The following CGN variants were observed in gnomAD, a reference collection of about 807,000 sequenced individuals.
CGN encodes cingulin.
A neutral mutation model predicts 157.1 loss-of-function variants in CGN; 121 were observed. The observed-to-expected ratio is 0.77, with a 90% CI of 0.66 to 0.90. The LOEUF (loss-of-function observed/expected upper bound fraction) is 0.90. Ranked by LOEUF, CGN falls within the 40% of genes least tolerant of loss-of-function variation. The probability of loss-of-function intolerance (pLI) is 0.00; values close to 1 mark genes in which losing one functional copy is unlikely to be tolerated. For synonymous variants in CGN, 535 were observed against 607.5 expected, an observed-to-expected ratio of 0.88 and a Z score of 1.76; for missense variants, 1,424 against 1,520.9, an observed-to-expected ratio of 0.94 and a Z score of 1.06.
intron 13 of CGN, 30 bp from the exon 14 acceptor site, chr1:151,532,372 G>A (rs1557992831): frequency 2.6e-6 from 4 of 1,518,916 alleles, no homozygotes; most frequent in Admixed American, 4.5e-5. Context: ...TTTATGTACA[G>A]TGCTGAAGAC....
chr1:151,528,538 T>C (rs896533915), intron 10 of CGN, among the ~76,000 whole-genome samples: 4 of 151,910 alleles, frequency 2.6e-5, no homozygotes, highest in Admixed American at 2.6e-4. Flanking sequence ...TGCCTCAGCT[T>C]CCCAAGCAGC....
intron 11 of CGN, 146 bp from the exon 12 acceptor site, chr1:151,529,763 G>T: frequency 1.2e-6 from 1 of 834,116 alleles, no homozygotes; most frequent in Middle Eastern, 3.6e-4. Context: ...AGAAGCGTCT[G>T]GCTGGTGGCA....
chr1:151,520,243 C>T lies in CGN; in HGVS notation c.951C>T (p.Thr317=). Residue 317 remains threonine, a synonymous_variant, in exon 3 of 21, where the codon ACC becomes ACT. Coordinates refer to ENST00000271636, the MANE Select transcript of CGN (RefSeq NM_020770.3). ...GCAGTGTGGACCATATGAAGGCCAC[C>T]ATCTATGGCATCCTGAGGGAGGGGT... The part of the protein sequence containing the change: ...PPGSVDHMKA[T]IYGILREGSS... The T allele has an allele frequency of 6.2e-7, 1 of 1,613,704 alleles. No homozygotes were observed. Among genetic ancestry groups the T allele is most frequent in the Non-Finnish European group, 8.5e-7 (1 of 1,179,854 alleles).
Position 151,524,346 on chromosome 1 carries a change from G to A in CGN, c.1389G>A (p.Glu463=), listed in dbSNP as rs2102493563. The A allele has an allele frequency of 1.2e-6, 2 of 1,613,920 alleles. No homozygotes were observed. The highest frequency in any genetic ancestry group is 2.2e-5 in the East Asian group (1 of 44,872). Reference sequence around the variant, plus strand: ...TCCAGGGTCCTGAGCCTGCTAAGGAGGTGTTACTGAAGGTAGGGTCTGGGG... The same window carrying A: ...TCCAGGGTCCTGAGCCTGCTAAGGAAGTGTTACTGAAGGTAGGGTCTGGGG... ...KHVQGPEPAK[E]VLLKDLLETR... is the part of the protein sequence containing the mutation. The change falls in exon 7 of 21, where the codon GAG becomes GAA. Residue 463 remains glutamate (E), a synonymous_variant. Coordinates refer to ENST00000271636, the MANE Select transcript of CGN (RefSeq NM_020770.3). The surrounding 1 kb of genome is among the most constrained non-coding windows in gnomAD (Gnocchi z 4.4).
rs1457794782 is a variant in CGN, at chr1:151,535,065, A to T, written c.2928A>T (p.Thr976=). Residue 976 remains threonine (T), a synonymous_variant, in exon 16 of 21, where the codon ACA becomes ACT. Transcript: ENST00000271636. ...GLEEKVSRLE[T]ELDEEKNTVE... ...AGGAAAAAGTCTCACGGCTGGAAAC[A>T]GAGTTAGATGAGGAGAAGAACACCG... 10 of 1,614,110 alleles carry T rather than the reference A, an allele frequency of 6.2e-6. No homozygotes were observed. Among genetic ancestry groups the T allele is most frequent in the Non-Finnish European group, 8.5e-6 (10 of 1,179,962 alleles).
chr1:151,532,327 GGA>G lies in CGN; in HGVS notation c.2572-71_2572-70del, dbSNP rs1356939635. Reference sequence around the variant, plus strand: ...CCTTGTCAGGAAGGAGACCCTTAGGGGAGAGTCTTGGGAGTCTGGGCCTGGAG... The same window carrying G: ...CCTTGTCAGGAAGGAGACCCTTAGGGGAGTCTTGGGAGTCTGGGCCTGGAG... On this transcript the variant is annotated intron_variant, in intron 13 of 20. Coordinates refer to ENST00000271636, the MANE Select transcript of CGN (RefSeq NM_020770.3). The G allele has an allele frequency of 1.5e-5, 18 of 1,170,220 alleles. 2 individuals are homozygous for G. In the Middle Eastern group the frequency reaches 1.4e-3, roughly 93 times the overall value. The allele number at this position is 1,170,220 out of a possible 1,614,324, so 72.5% of individuals were successfully genotyped here.
At chr1:151,523,388 G>C in intron 5 of CGN, 46 bp from the exon 6 acceptor site, 1 of 1,551,096 alleles carries the variant, frequency 6.4e-7, no homozygotes, top group Non-Finnish European at 8.7e-7. Flanking sequence ...CTTTCTGAGA[G>C]GCTTTCCCTA....
At chr1:151,526,212 T>C in intron 9 of CGN, among the ~76,000 whole-genome samples, 2 of 134,114 alleles carry the variant, frequency 1.5e-5, no homozygotes, top group African/African-American at 2.8e-5. Flanking sequence ...GGAGTCACAC[T>C]CTGTTGCCCA....
chr1:151,536,848 A>G lies in CGN; in HGVS notation c.3425A>G (p.Asn1142Ser). Residue 1142 changes from asparagine to serine, a missense_variant, in exon 20 of 21, where the codon AAT becomes AGT. By Grantham distance (46) the Asn-to-Ser change is conservative. Around this residue, in one of 3 missense-constraint regions of CGN, gnomAD observed 199 missense variants for 272.2 expected, o/e 0.73. Coordinates refer to ENST00000271636, the MANE Select transcript of CGN (RefSeq NM_020770.3). ...GAGGTGGAGGAGCAGCATGAGGTCA[A>G]TGAACAGCTCCAGGCCCGGATCAAG... ...QREVEEQHEV[N>S]EQLQARIKSL... 1.9e-6 allele frequency: 3 copies of G among 1,614,168 alleles called. No homozygotes were observed. Among genetic ancestry groups the G allele is most frequent in the Non-Finnish European group, 2.5e-6 (3 of 1,180,038 alleles).
intron 14 of CGN, 41 bp downstream of exon 14, chr1:151,532,613 T>C (rs1332668042): frequency 1.9e-4 from 23 of 120,464 alleles, no homozygotes; most frequent in East Asian, 1.1e-3. Context: ...TCCTTGCCTC[T>C]TTTTTTTTTT....
intron 16 of CGN, 135 bp downstream of exon 16, chr1:151,535,266 T>C (rs1242936890): frequency 2.1e-5 from 15 of 715,218 alleles, no homozygotes; most frequent in Non-Finnish European, 3.5e-5. Flanking sequence ...CTTCAGGGTT[T>C]TGTCTGCTTT....
chr1:151,515,715 T>G (rs1047354363), intron 1 of CGN: 1 of 152,202 alleles, frequency 6.6e-6, no homozygotes, highest in Admixed American at 6.5e-5. Flanking sequence ...GTTCAAGTGA[T>G]CCACACACCT....
In CGN at chr1:151,520,669, G is replaced by A. The variant is rs149813081; in HGVS notation, c.1118G>A (p.Arg373Gln). 1.3e-4 allele frequency: 212 copies of A among 1,613,860 alleles called. No homozygotes were observed. Among genetic ancestry groups the A allele is most frequent in the Middle Eastern group, 1.6e-4 (1 of 6,062 alleles). ...ACCCGAAAAGTGGAGGAGCTACAGC[G>A]AAAGCTGGATGAAGAGGTGAAGGTA... ...ELTRKVEELQ[R>Q]KLDEEVKKRQ... Residue 373 changes from arginine (R) to glutamine (Q), a missense_variant, in exon 5 of 21, where the codon CGA (arginine) becomes CAA (glutamine). By Grantham distance (43) the Arg-to-Gln change is conservative. Coordinates refer to ENST00000271636, the MANE Select transcript of CGN (RefSeq NM_020770.3).
intron 14 of CGN, among the ~76,000 whole-genome samples, chr1:151,533,686 C>T (rs1003859482): frequency 3.3e-5 from 5 of 151,602 alleles, no homozygotes; most frequent in Admixed American, 6.6e-5. Context: ...CCCAGCTACT[C>T]GGGAGGCCGA....
chr1:151,528,401 T>C (rs1342242939), intron 10 of CGN, among the ~76,000 whole-genome samples: 3 of 131,278 alleles, frequency 2.3e-5, no homozygotes, highest in African/African-American at 8.6e-5. Context: ...AAAGTCATCT[T>C]TGTGTACAAT....
At position 151,536,717 on chromosome 1, in the gene CGN, G is replaced by T. The variant is rs773485854; in HGVS notation, c.3307-13G>T. 52 of 1,613,736 alleles carry T rather than the reference G, an allele frequency of 3.2e-5. No homozygotes were observed. Among genetic ancestry groups the T allele is most frequent in the Middle Eastern group, 1.6e-4 (1 of 6,084 alleles). ...GATGCTATTCAGATGTGTGGACTTG[G>T]TATCCTGCCCAGCTAAGCCTGAGGG... On this transcript the variant is annotated splice_polypyrimidine_tract_variant and intron_variant, in intron 19 of 20. Transcript: ENST00000271636.
chr1:151,521,660 G>A (rs992185602), intron 5 of CGN, among the ~76,000 whole-genome samples: 2 of 152,090 alleles, frequency 1.3e-5, no homozygotes, highest in Admixed American at 1.3e-4. Flanking sequence ...CCAACATGGA[G>A]AAATCCTGTC....
At chr1:151,532,649 T>C in intron 14 of CGN, 77 bp downstream of exon 14, 2 of 1,152,678 alleles carry the variant, frequency 1.7e-6, no homozygotes, top group South Asian at 4.7e-5. Flanking sequence ...AGACAGAGTC[T>C]CACTCTGTCG....
chr1:151,530,394 A>G, intron 12 of CGN, 95 bp from the exon 13 acceptor site: 1 of 1,409,094 alleles, frequency 7.1e-7, no homozygotes, highest in Admixed American at 2.3e-5. Context: ...CATTTTCATA[A>G]ATACCTCCTT....
Sources: allele counts gnomAD v4.1 joint callset (sites outside exome capture counted in the v4.1 genomes callset), GRCh38; gene constraint gnomAD v4.1.1; regional missense constraint gnomAD v4.1.1; non-coding constraint Gnocchi (gnomAD v3.1); transcripts MANE v1.5; gene names NCBI Gene and HGNC (gene_info 2026-07-23, HGNC 2026-07-21).